The following STPG2 variants were observed in gnomAD, a reference collection of about 807,000 sequenced individuals.
STPG2 encodes the protein sperm tail PG-rich repeat containing 2, also known as sperm-tail PG-rich repeat-containing protein 2.
STPG2 carries 56 observed loss-of-function variants against 54.2 expected under a neutral mutation model. That is an observed-to-expected ratio of 1.03 (90% CI 0.83 to 1.29). STPG2 has a LOEUF of 1.29. Among genes scored for constraint, STPG2 ranks in the 50% most tolerant of loss-of-function variants. The pLI is 0.00. For missense variants in STPG2, 596 were observed against 544.9 expected (o/e 1.09, Z -0.93); for synonymous variants, 200 against 181.8 (o/e 1.10, Z -0.81).
At chr4:98,098,945 C>T (rs1486693012) in intron 5 of STPG2, among the ~76,000 whole-genome samples, 1 of 151,778 alleles carries the variant, frequency 6.6e-6, no homozygotes, top group Non-Finnish European at 1.5e-5. Context: ...AGTTAAAATG[C>T]CTTTTCTAAA....
intron 4 of STPG2, among the ~76,000 whole-genome samples, chr4:97,494,356 C>A (rs1025651831): frequency 1.3e-5 from 2 of 151,452 alleles, no homozygotes; most frequent in African/African-American, 4.8e-5. Flanking sequence ...CAAAGAACAA[C>A]AAAGAAGCAA....
intron 10 of STPG2, among the ~76,000 whole-genome samples, chr4:97,642,888 T>C (rs1323829979): frequency 6.6e-6 from 1 of 151,480 alleles, no homozygotes; most frequent in African/African-American, 2.4e-5. Context: ...AATTAAGCCT[T>C]AGAGAACAAT....
chr4:97,868,703 T>C (rs866083304), intron 8 of STPG2, among the ~76,000 whole-genome samples: 1 of 151,794 alleles, frequency 6.6e-6, no homozygotes, highest in Non-Finnish European at 1.5e-5. Context: ...CAGCTCCAAG[T>C]CTACATCTTT....
chr4:98,105,557 T>C (rs1739164612), intron 5 of STPG2, among the ~76,000 whole-genome samples: 2 of 152,098 alleles, frequency 1.3e-5, no homozygotes, highest in African/African-American at 4.8e-5. Flanking sequence ...AGGATGGGAT[T>C]TGATCCCTTA....
At chr4:97,809,649 C>G (rs1175514125) in intron 9 of STPG2, among the ~76,000 whole-genome samples, 1 of 152,114 alleles carries the variant, frequency 6.6e-6, no homozygotes, top group African/African-American at 2.4e-5. Context: ...CACTGGCTGA[C>G]AATCAGAAAG....
rs150258130 is a variant in STPG2, at chr4:97,824,398, T to C, written c.1204+16375A>G. Reference sequence around the variant, plus strand: ...AATGAATGGTAAAAATCATGGTTTATCTCCTCTGTAAAGTTCTGATTAATT... The same window carrying C: ...AATGAATGGTAAAAATCATGGTTTACCTCCTCTGTAAAGTTCTGATTAATT... On this transcript the variant is annotated intron_variant, in intron 9 of 10. Transcript: ENST00000295268. Among the ~76,000 whole-genome samples, 199 of 152,290 alleles carry C rather than the reference T, an allele frequency of 1.3e-3. 1 individual carries two copies. Among genetic ancestry groups the C allele is most frequent in the African/African-American group, 4.6e-3 (192 of 41,572 alleles).
At chr4:98,017,615 A>G (rs1358250830) in intron 5 of STPG2, among the ~76,000 whole-genome samples, 1 of 152,144 alleles carries the variant, frequency 6.6e-6, no homozygotes. Context: ...GTAAACTCTT[A>G]TCTGGAAACC....
rs143734270 is a variant in STPG2, at chr4:97,898,347, C to A, written c.1044+45550G>T. ...GTTACTCTTATAAATTTTAAAAAAT[C>A]TTAATTACCAATAAGTTGTCCAATT... On this transcript the variant is annotated intron_variant, in intron 8 of 10. Transcript: ENST00000295268. Among the ~76,000 whole-genome samples, 601 of 150,470 alleles carry A rather than the reference C, an allele frequency of 4.0e-3. 7 individuals carry two copies. Among genetic ancestry groups the A allele is most frequent in the Non-Finnish European group, 6.4e-3 (430 of 67,212 alleles).
In STPG2 at chr4:97,900,469, C is replaced by G. The variant is rs143851726; in HGVS notation, c.1044+43428G>C. Among the ~76,000 whole-genome samples the G allele has an allele frequency of 1.1e-4, 16 of 152,014 alleles. No homozygotes were observed. In the East Asian group the frequency reaches 2.9e-3, roughly 27 times the overall value. On this transcript the variant is annotated intron_variant, in intron 8 of 10. Transcript: ENST00000295268. ...TCATTCTACCATAAAAACAGATGCA[C>G]ATGAATGAATCACTGCAGCCCTATT...
rs919106563 is a variant in STPG2, at chr4:98,076,259, A to C, written c.612+29694T>G. The stretch of plus-strand genomic sequence containing the variant: ...ACTCTGTCTCAAAAAAAAAAAAAAG[A>C]AGCAGCAAATGAGTAGTGAACCATC... On this transcript the variant is annotated intron_variant, in intron 5 of 10. Coordinates refer to ENST00000295268, the MANE Select transcript of STPG2 (RefSeq NM_174952.3). Among the ~76,000 whole-genome samples, 38 of 151,460 alleles carry C rather than the reference A, an allele frequency of 2.5e-4. 1 individual carries two copies. Among genetic ancestry groups the C allele is most frequent in the African/African-American group, 6.6e-4 (27 of 41,094 alleles).
intron 9 of STPG2, among the ~76,000 whole-genome samples, chr4:97,795,716 G>A (rs1383297874): frequency 6.6e-6 from 1 of 152,212 alleles, no homozygotes; most frequent in African/African-American, 2.4e-5. Flanking sequence ...TATATACCCA[G>A]TAATGGGATG....
At chr4:97,624,419 C>A (rs1734088247) in intron 10 of STPG2, among the ~76,000 whole-genome samples, 2 of 152,052 alleles carry the variant, frequency 1.3e-5, no homozygotes. Context: ...GCATAAATGT[C>A]TTCTTTTGAG....
chr4:97,509,182 G>A (rs936541488), intron 4 of STPG2, among the ~76,000 whole-genome samples: 3 of 151,666 alleles, frequency 2.0e-5, no homozygotes, highest in Non-Finnish European at 4.4e-5. Context: ...TTCTGTCTTT[G>A]CACTCCTGAC....
chr4:97,682,583 A>G (rs1389586883), intron 10 of STPG2, among the ~76,000 whole-genome samples: 1 of 151,808 alleles, frequency 6.6e-6, no homozygotes, highest in Non-Finnish European at 1.5e-5. Context: ...GACATAATTC[A>G]TAATAGTAAC....
intron 7 of STPG2, among the ~76,000 whole-genome samples, chr4:97,952,676 C>T (rs1321285467): frequency 2.0e-5 from 3 of 152,070 alleles, no homozygotes; most frequent in Non-Finnish European, 4.4e-5. Context: ...ATGGGGATGG[C>T]AGGGGAGGGT....
intron 10 of STPG2, among the ~76,000 whole-genome samples, chr4:97,627,591 T>C (rs1734166827): frequency 6.6e-6 from 1 of 152,108 alleles, no homozygotes; most frequent in Non-Finnish European, 1.5e-5. Context: ...TACATACATA[T>C]TGAGAGACAG....
intron 8 of STPG2, among the ~76,000 whole-genome samples, chr4:97,913,538 G>T (rs550508215): frequency 1.3e-5 from 2 of 152,096 alleles, no homozygotes; most frequent in Non-Finnish European, 2.9e-5. Context: ...TCCTCCTTGC[G>T]CATATAATAA....
chr4:97,748,815 A>C (rs957106133), intron 9 of STPG2, among the ~76,000 whole-genome samples: 3 of 151,636 alleles, frequency 2.0e-5, no homozygotes, highest in African/African-American at 4.8e-5. Flanking sequence ...CTAAAACTTC[A>C]AAACCGTGTT....
At chr4:98,018,610 T>C (rs530675494) in intron 5 of STPG2, among the ~76,000 whole-genome samples, 117 of 152,258 alleles carry the variant, frequency 7.7e-4, no homozygotes, top group African/African-American at 2.6e-3. Context: ...TCCACAATGG[T>C]TGAACTAGTT....
Sources: allele counts gnomAD v4.1 joint callset (sites outside exome capture counted in the v4.1 genomes callset), GRCh38; gene constraint gnomAD v4.1.1; transcripts MANE v1.5; gene names NCBI Gene and HGNC (gene_info 2026-07-23, HGNC 2026-07-21).